The following CFAP61 variants were observed in gnomAD, a reference collection of about 807,000 sequenced individuals.
CFAP61 encodes the protein cilia and flagella associated protein 61.
In CFAP61, 107 loss-of-function variants were observed where a neutral mutation model predicts 135.6. The ratio of observed to expected loss-of-function variants is 0.79; its 90% CI spans 0.67 to 0.93. The LOEUF (loss-of-function observed/expected upper bound fraction) is 0.93. Among genes scored for constraint, CFAP61 ranks in the 40% least tolerant of loss-of-function variants. The pLI is 0.00. For synonymous variants in CFAP61, 575 were observed against 578.5 expected, an observed-to-expected ratio of 0.99 and a Z score of 0.09; for missense variants, 1,507 against 1,556.2, an observed-to-expected ratio of 0.97 and a Z score of 0.53.
At chr20:20,297,761 A>G (rs1320637473) in intron 24 of CFAP61, among the ~76,000 whole-genome samples, 2 of 152,238 alleles carry the variant, frequency 1.3e-5, no homozygotes, top group Non-Finnish European at 2.9e-5. Context: ...AGTAATCTTG[A>G]AAATAACTGA....
At chr20:20,057,454 T>C (rs2044450348) in intron 2 of CFAP61, among the ~76,000 whole-genome samples, 1 of 152,148 alleles carries the variant, frequency 6.6e-6, no homozygotes, top group African/African-American at 2.4e-5. Flanking sequence ...TATGCCAACA[T>C]TATGTTATTG....
At chr20:20,291,574 T>C (rs2055000169) in intron 24 of CFAP61, among the ~76,000 whole-genome samples, 1 of 152,224 alleles carries the variant, frequency 6.6e-6, no homozygotes, top group Non-Finnish European at 1.5e-5. Flanking sequence ...CTGAAGGACA[T>C]TAAGCCTCTA....
chr20:20,239,887 C>A (rs1207123242), intron 18 of CFAP61, among the ~76,000 whole-genome samples: 1 of 152,076 alleles, frequency 6.6e-6, no homozygotes, highest in Non-Finnish European at 1.5e-5. Context: ...ACCCTCTAGA[C>A]AAGATGGTGA....
intron 9 of CFAP61, among the ~76,000 whole-genome samples, chr20:20,149,032 T>C (rs2052157967): frequency 6.6e-6 from 1 of 152,210 alleles, no homozygotes; most frequent in South Asian, 2.1e-4. Flanking sequence ...AACAACTTCA[T>C]TACTCATGAA....
At chr20:20,208,726 C>A (rs956268635) in intron 17 of CFAP61, among the ~76,000 whole-genome samples, 4 of 152,190 alleles carry the variant, frequency 2.6e-5, no homozygotes, top group Non-Finnish European at 5.9e-5. Flanking sequence ...CTCATTTGCC[C>A]CTGGAGGTGC....
chr20:20,070,833 C>A lies in CFAP61; in HGVS notation c.144-21C>A, dbSNP rs749601387. 6.9e-5 allele frequency: 110 copies of A among 1,603,032 alleles called. No individual in the cohort carries two copies. In the Middle Eastern group the frequency reaches 1.5e-3, roughly 22 times the overall value. ...CTTTTTGTAATCTTATTCATGTTTG[C>A]AATTGTAATCATTTCTGCAGAGAAA... is the stretch of plus-strand genomic sequence containing the variant. On this transcript the variant is annotated intron_variant, in intron 2 of 26. Coordinates refer to ENST00000245957, the MANE Select transcript of CFAP61 (RefSeq NM_015585.4).
chr20:20,111,692 G>A (rs188693314), intron 8 of CFAP61, among the ~76,000 whole-genome samples: 1 of 152,110 alleles, frequency 6.6e-6, no homozygotes, highest in African/African-American at 2.4e-5. Context: ...GGATCAGGCA[G>A]GGAGAAAAAT....
chr20:20,205,462 G>C (rs1184075110), intron 17 of CFAP61, among the ~76,000 whole-genome samples: 2 of 152,176 alleles, frequency 1.3e-5, no homozygotes. Context: ...CCTACCTAAA[G>C]GCTGAAGTAC....
chr20:20,333,527 C>T (rs897217226), intron 25 of CFAP61, among the ~76,000 whole-genome samples: 2 of 152,224 alleles, frequency 1.3e-5, no homozygotes, highest in African/African-American at 4.8e-5. Flanking sequence ...AGTCAACTTG[C>T]ATCCTGAGAA....
chr20:20,162,916 G>T (rs1383895792), intron 10 of CFAP61, among the ~76,000 whole-genome samples: 1 of 152,188 alleles, frequency 6.6e-6, no homozygotes, highest in Non-Finnish European at 1.5e-5. Context: ...GAATTGTGAT[G>T]TAATTTTCCT....
At chr20:20,195,180 C>T (rs2056201239) in intron 15 of CFAP61, among the ~76,000 whole-genome samples, 1 of 152,152 alleles carries the variant, frequency 6.6e-6, no homozygotes, top group South Asian at 2.1e-4. Context: ...TTCCTCTGTG[C>T]TTTGTGACAG....
chr20:20,324,054 T>C (rs541852134), intron 25 of CFAP61, among the ~76,000 whole-genome samples: 1 of 152,240 alleles, frequency 6.6e-6, no homozygotes, highest in South Asian at 2.1e-4. Context: ...ACATTCTTGA[T>C]GATACATCTT....
At chr20:20,266,519 C>A (rs1002813838) in intron 21 of CFAP61, among the ~76,000 whole-genome samples, 2 of 152,204 alleles carry the variant, frequency 1.3e-5, no homozygotes, top group Non-Finnish European at 2.9e-5. Context: ...GGATGTAACT[C>A]TTTTCCTTAC....
chr20:20,245,491 C>T (rs2050377215), intron 18 of CFAP61, among the ~76,000 whole-genome samples: 1 of 152,178 alleles, frequency 6.6e-6, no homozygotes, highest in Non-Finnish European at 1.5e-5. Context: ...ATGAGAACAG[C>T]ATAGGAAAGA....
At chr20:20,206,826 ACT>A (rs1401940421) in intron 17 of CFAP61, among the ~76,000 whole-genome samples, 1 of 151,964 alleles carries the variant, frequency 6.6e-6, no homozygotes, top group Non-Finnish European at 1.5e-5. Context: ...TCACATGGTA[ACT>A]CTATGTTTAA....
At chr20:20,253,515 T>G (rs1056132018) in intron 20 of CFAP61, 5 of 449,434 alleles carry the variant, frequency 1.1e-5, no homozygotes. Context: ...CTATGCTCAA[T>G]GACCAGAGAA....
chr20:20,139,597 A>AT (rs1224574044), intron 8 of CFAP61, among the ~76,000 whole-genome samples: 10 of 152,252 alleles, frequency 6.6e-5, no homozygotes, highest in Non-Finnish European at 1.5e-5. Context: ...CATTATGAAC[A>AT]TTAAGTAATT....
chr20:20,062,781 C>T lies in CFAP61; in HGVS notation c.143+5985C>T, dbSNP rs77848898. Among the ~76,000 whole-genome samples the T allele has an allele frequency of 6.3e-3, 957 of 152,312 alleles. 14 individuals are homozygous for T. Among genetic ancestry groups the T allele is most frequent in the African/African-American group, 0.022 (900 of 41,574 alleles). On this transcript the variant is annotated intron_variant, in intron 2 of 26. Transcript: ENST00000245957. ...AAAGCAGAATTTAAAAAATTAGTTT[C>T]TTCCATTGATGAAATATTATTGAAT...
intron 1 of CFAP61, among the ~76,000 whole-genome samples, chr20:20,055,552 C>A (rs2044249578): frequency 1.3e-5 from 2 of 152,168 alleles, no homozygotes; most frequent in South Asian, 4.1e-4. Context: ...ATCATTGCCA[C>A]CTGGTTGGAG....
Sources: allele counts gnomAD v4.1 joint callset (sites outside exome capture counted in the v4.1 genomes callset), GRCh38; gene constraint gnomAD v4.1.1; transcripts MANE v1.5; gene names NCBI Gene and HGNC (gene_info 2026-07-23, HGNC 2026-07-21).